Variants in DACH2 observed in about 807,000 individuals in gnomAD.
DACH2 encodes the protein dachshund family transcription factor 2, also known as dachshund homolog 2.
Under a neutral mutation model 35.8 loss-of-function variants are expected in DACH2, and 17 were observed. That is an observed-to-expected ratio of 0.48 (90% CI 0.33 to 0.71). The LOEUF is 0.71. Among genes scored for constraint, DACH2 ranks in the 30% least tolerant of loss-of-function variants. The probability of loss-of-function intolerance (pLI) is 0.02; values close to 1 mark genes in which losing one functional copy is unlikely to be tolerated. For missense variants in DACH2, 469 were observed against 472.7 expected (o/e 0.99, Z 0.07); for synonymous variants, 195 against 177.3 (o/e 1.10, Z -0.79).
intron 2 of DACH2, among the ~76,000 whole-genome samples, chrX:86,461,601 C>T (rs896800867): frequency 1.8e-5 from 2 of 110,974 alleles, no homozygotes; most frequent in African/African-American, 6.5e-5. Context: ...TTACTTTTAT[C>T]AAATTCTCTA....
intron 2 of DACH2, among the ~76,000 whole-genome samples, chrX:86,450,678 G>T (rs759611174): frequency 9.1e-6 from 1 of 109,569 alleles, no homozygotes; most frequent in African/African-American, 3.3e-5. Flanking sequence ...AATAATTTAC[G>T]CTCCCACCAC....
chrX:86,517,725 C>T (rs1435750021), intron 3 of DACH2, among the ~76,000 whole-genome samples: 3 of 111,446 alleles, frequency 2.7e-5, no homozygotes, highest in South Asian at 3.7e-4. Context: ...ACCCTTTGCC[C>T]GCTTTTTAAT....
At chrX:86,257,758 T>C (rs745915128) in intron 1 of DACH2, among the ~76,000 whole-genome samples, 2 of 112,553 alleles carry the variant, frequency 1.8e-5, no homozygotes, top group Non-Finnish European at 3.8e-5. Context: ...AAATGCCTGA[T>C]TATTGCAGTC....
intron 1 of DACH2, among the ~76,000 whole-genome samples, chrX:86,317,863 T>A (rs917426300): frequency 9.0e-6 from 1 of 111,259 alleles, no homozygotes; most frequent in Non-Finnish European, 1.9e-5. Context: ...GTTTACTCAC[T>A]GCAGGTTAGG....
chrX:86,298,045 A>G (rs1463923771), intron 1 of DACH2, among the ~76,000 whole-genome samples: 1 of 112,085 alleles, frequency 8.9e-6, no homozygotes, highest in Non-Finnish European at 1.9e-5. Context: ...TGACATTTGT[A>G]TAAATGAATT....
intron 1 of DACH2, among the ~76,000 whole-genome samples, chrX:86,220,661 G>T (rs2032688969): frequency 1.8e-5 from 2 of 111,968 alleles, no homozygotes; most frequent in East Asian, 2.8e-4. Context: ...TGGCTGTTGT[G>T]TATAGTACTG....
intron 3 of DACH2, among the ~76,000 whole-genome samples, chrX:86,635,345 AAAC>A (rs1243102446): frequency 9.8e-6 from 1 of 102,126 alleles, no homozygotes; most frequent in Non-Finnish European, 2.0e-5. Context: ...AAAAAAAAAA[AAAC>A]CTCTCAAACT....
chrX:86,424,961 T>C (rs2036867389), intron 2 of DACH2, among the ~76,000 whole-genome samples: 2 of 111,598 alleles, frequency 1.8e-5, no homozygotes, highest in Admixed American at 1.9e-4. Context: ...ATTCTGTTGA[T>C]ACCATGTATC....
intron 7 of DACH2, among the ~76,000 whole-genome samples, chrX:86,788,080 T>C (rs1462100484): frequency 1.8e-5 from 2 of 111,166 alleles, no homozygotes; most frequent in Admixed American, 9.7e-5. Flanking sequence ...GGTAGTGGCC[T>C]GCTAGCACTT....
At chrX:86,771,650 T>C (rs1366213841) in intron 7 of DACH2, among the ~76,000 whole-genome samples, 1 of 112,019 alleles carries the variant, frequency 8.9e-6, no homozygotes, top group Admixed American at 9.5e-5. Flanking sequence ...ATATTGAAAA[T>C]GCAGCGTTCA....
chrX:86,443,653 A>G (rs771843141), intron 2 of DACH2, among the ~76,000 whole-genome samples: 2 of 111,436 alleles, frequency 1.8e-5, no homozygotes, highest in South Asian at 7.5e-4. Flanking sequence ...CAGATTAGTC[A>G]TATATGGTCT....
intron 1 of DACH2, among the ~76,000 whole-genome samples, chrX:86,319,026 T>G (rs1252541371): frequency 8.9e-6 from 1 of 112,241 alleles, no homozygotes; most frequent in Non-Finnish European, 1.9e-5. Flanking sequence ...AATGAAACCT[T>G]ATAGACAATT....
intron 3 of DACH2, among the ~76,000 whole-genome samples, chrX:86,527,528 A>G (rs1285288229): frequency 8.9e-6 from 1 of 112,503 alleles, no homozygotes; most frequent in Admixed American, 9.4e-5. Flanking sequence ...ACAATAGTTC[A>G]TTCATTTTTA....
At chrX:86,417,250 T>A (rs2036722290) in intron 2 of DACH2, among the ~76,000 whole-genome samples, 1 of 110,976 alleles carries the variant, frequency 9.0e-6, no homozygotes, top group East Asian at 2.8e-4. Flanking sequence ...CTTCCAATAT[T>A]GGGGATCAAA....
chrX:86,485,165 T>A (rs1160401686), intron 2 of DACH2, among the ~76,000 whole-genome samples: 1 of 111,720 alleles, frequency 9.0e-6, no homozygotes, highest in Non-Finnish European at 1.9e-5. Flanking sequence ...TTACAAGCAT[T>A]TTTTCCTCTT....
At chrX:86,244,730 T>C (rs901344985) in intron 1 of DACH2, among the ~76,000 whole-genome samples, 2 of 112,301 alleles carry the variant, frequency 1.8e-5, no homozygotes, top group Non-Finnish European at 3.8e-5. Context: ...AAATATTCAC[T>C]GTTACTACCT....
intron 3 of DACH2, among the ~76,000 whole-genome samples, chrX:86,571,203 G>T (rs1350420239): frequency 9.0e-6 from 1 of 110,764 alleles, no homozygotes; most frequent in Non-Finnish European, 1.9e-5. Context: ...TTTCCACAGG[G>T]AATTACCTTG....
intron 1 of DACH2, among the ~76,000 whole-genome samples, chrX:86,343,222 A>G (rs1057069516): frequency 1.8e-5 from 2 of 111,793 alleles, no homozygotes; most frequent in Non-Finnish European, 3.8e-5. Flanking sequence ...ACAAAAGTAT[A>G]TATCAATCAA....
At chrX:86,446,399 G>A (rs1190869178) in intron 2 of DACH2, among the ~76,000 whole-genome samples, 3 of 69,646 alleles carry the variant, frequency 4.3e-5, no homozygotes, top group South Asian at 1.0e-3. Context: ...ACCCACTAAC[G>A]TGTCATCTAG....
Sources: gnomAD v4.1 joint callset for allele counts (sites outside exome capture counted in the v4.1 genomes callset) on GRCh38, gnomAD v4.1.1 for gene constraint, MANE v1.5 for transcripts, NCBI Gene and HGNC (gene_info 2026-07-23, HGNC 2026-07-21) for gene names.